The following HTR2C variants were observed in gnomAD, a reference collection of about 807,000 sequenced individuals.
HTR2C encodes the protein 5-hydroxytryptamine receptor 2C.
A neutral mutation model predicts 21.0 loss-of-function variants in HTR2C; 5 were observed. That is an observed-to-expected ratio of 0.24 (90% confidence interval 0.12 to 0.50). The LOEUF (loss-of-function observed/expected upper bound fraction) is 0.50, where lower values mean the gene tolerates loss of function less well. HTR2C is among the 20% of genes least tolerant of loss of function. The probability of loss-of-function intolerance (pLI) is 0.98; values close to 1 mark genes in which losing one functional copy is unlikely to be tolerated. For synonymous variants in HTR2C, 150 were observed against 145.3 expected, an observed-to-expected ratio of 1.03 and a Z score of -0.23; for missense variants, 271 against 371.2, an observed-to-expected ratio of 0.73 and a Z score of 2.22.
chrX:114,695,134 A>C (rs1450617587), intron 2 of HTR2C, among the ~76,000 whole-genome samples: 1 of 112,175 alleles, frequency 8.9e-6, no homozygotes. Flanking sequence ...GGCTTGTAGA[A>C]ATTTGGTATG....
intron 4 of HTR2C, chrX:114,775,293 T>A: frequency 1.9e-6 from 1 of 527,670 alleles, no homozygotes; most frequent in East Asian, 3.6e-5. Flanking sequence ...TACACTCTTG[T>A]CCACAGCAGA....
chrX:114,899,796 T>C (rs911686073), intron 5 of HTR2C, among the ~76,000 whole-genome samples: 9 of 108,512 alleles, frequency 8.3e-5, no homozygotes, highest in Non-Finnish European at 1.7e-4. Flanking sequence ...TGCCGTGGAC[T>C]GTAGCTGCTT....
chrX:114,729,818 A>G (rs1448553167), intron 3 of HTR2C, among the ~76,000 whole-genome samples: 1 of 111,358 alleles, frequency 9.0e-6, no homozygotes, highest in African/African-American at 3.3e-5. Context: ...TATGGAGAAC[A>G]CATAGACTCT....
chrX:114,806,450 T>A lies in HTR2C; in HGVS notation c.350-41553T>A, dbSNP rs782698071. Among the ~76,000 whole-genome samples the A allele has an allele frequency of 8.3e-4, 70 of 83,887 alleles. 6 individuals carry two copies. Among genetic ancestry groups the A allele is most frequent in the African/African-American group, 3.0e-3 (58 of 19,091 alleles). 72.8% of individuals were successfully genotyped at this position (83,887 alleles called of 115,157 possible). ...ATATATATACACCATATATATATAC[T>A]GTATATATATACACCATATATATAT... is the stretch of plus-strand genomic sequence containing the variant. On this transcript the variant is annotated intron_variant, in intron 4 of 5. Transcript: ENST00000276198.
intron 3 of HTR2C, among the ~76,000 whole-genome samples, chrX:114,728,401 T>A (rs1556422553): frequency 2.7e-5 from 3 of 111,095 alleles, no homozygotes; most frequent in African/African-American, 9.8e-5. Flanking sequence ...ACTGAGCATG[T>A]TAAGTATTAA....
chrX:114,837,303 C>T (rs966246696), intron 4 of HTR2C, among the ~76,000 whole-genome samples: 1 of 111,853 alleles, frequency 8.9e-6, no homozygotes, highest in Non-Finnish European at 1.9e-5. Context: ...CAAGTAAATA[C>T]ATTTGGATCT....
intron 2 of HTR2C, among the ~76,000 whole-genome samples, chrX:114,683,683 T>G (rs1931822303): frequency 9.0e-6 from 1 of 111,034 alleles, no homozygotes; most frequent in Admixed American, 9.6e-5. Context: ...GGACCTCAGC[T>G]CCTTGGGAGG....
At chrX:114,822,037 G>A (rs1230140008) in intron 4 of HTR2C, among the ~76,000 whole-genome samples, 1 of 110,225 alleles carries the variant, frequency 9.1e-6, no homozygotes, top group Non-Finnish European at 1.9e-5. Flanking sequence ...AGTAGAGATG[G>A]GGTTTCGCCA....
chrX:114,706,605 A>G (rs1932774410), intron 2 of HTR2C, among the ~76,000 whole-genome samples: 1 of 100,402 alleles, frequency 1.0e-5, no homozygotes, highest in Non-Finnish European at 2.0e-5. Context: ...GATATACCTA[A>G]TGCTAAATGA....
At chrX:114,715,064 G>A in intron 2 of HTR2C, among the ~76,000 whole-genome samples, 1 of 112,097 alleles carries the variant, frequency 8.9e-6, no homozygotes, top group East Asian at 2.8e-4. Context: ...TTTATGAGTT[G>A]TATACATTTT....
chrX:114,667,652 C>T (rs1034635727), intron 2 of HTR2C, among the ~76,000 whole-genome samples: 9 of 111,689 alleles, frequency 8.1e-5, no homozygotes, highest in Non-Finnish European at 1.5e-4. Flanking sequence ...AGATGTGGAA[C>T]TGGGTGACAT....
At chrX:114,703,167 C>CA (rs1202774913) in intron 2 of HTR2C, among the ~76,000 whole-genome samples, 2 of 107,786 alleles carry the variant, frequency 1.9e-5, no homozygotes, top group Admixed American at 1.0e-4. Flanking sequence ...AGAAAGTTAA[C>CA]AAGGATACCC....
chrX:114,702,528 C>A (rs1433923909), intron 2 of HTR2C, among the ~76,000 whole-genome samples: 3 of 110,941 alleles, frequency 2.7e-5, no homozygotes, highest in African/African-American at 9.8e-5. Context: ...TTTGTCACCA[C>A]CAGGCCTGCC....
At chrX:114,819,530 A>T (rs1044402515) in intron 4 of HTR2C, among the ~76,000 whole-genome samples, 4 of 112,527 alleles carry the variant, frequency 3.6e-5, no homozygotes, top group Non-Finnish European at 7.5e-5. Context: ...CATGCATATA[A>T]CATATGACCC....
chrX:114,739,604 G>A (rs1281019288), intron 4 of HTR2C, among the ~76,000 whole-genome samples: 3 of 111,078 alleles, frequency 2.7e-5, no homozygotes, highest in Non-Finnish European at 5.7e-5. Context: ...GATATCATTG[G>A]CATAACAACA....
chrX:114,720,560 CA>C (rs1349863729), intron 2 of HTR2C, among the ~76,000 whole-genome samples: 1 of 98,327 alleles, frequency 1.0e-5, no homozygotes, highest in Non-Finnish European at 2.0e-5. Context: ...TACATGTGCA[CA>C]TTGTGCAGGT....
intron 4 of HTR2C, among the ~76,000 whole-genome samples, chrX:114,752,927 A>C (rs2069775343): frequency 9.0e-6 from 1 of 111,726 alleles, no homozygotes; most frequent in Non-Finnish European, 1.9e-5. Context: ...TAACTATTAA[A>C]AATACATGAT....
At chrX:114,741,138 T>C (rs1469058686) in intron 4 of HTR2C, among the ~76,000 whole-genome samples, 1 of 110,917 alleles carries the variant, frequency 9.0e-6, no homozygotes, top group Non-Finnish European at 1.9e-5. Flanking sequence ...CTAGCAGCAG[T>C]GTCACATGCG....
At chrX:114,733,874 GA>G (rs782398376) in intron 4 of HTR2C, among the ~76,000 whole-genome samples, 4 of 110,595 alleles carry the variant, frequency 3.6e-5, no homozygotes, top group East Asian at 2.9e-4. Context: ...AGCTACTATA[GA>G]AAAAAATCAG....
Sources: gnomAD v4.1 joint callset for allele counts (sites outside exome capture counted in the v4.1 genomes callset) on GRCh38, gnomAD v4.1.1 for gene constraint, MANE v1.5 for transcripts, NCBI Gene and HGNC (gene_info 2026-07-23, HGNC 2026-07-21) for gene names.